TBC1D4: variants seen among roughly 807,000 people sequenced by gnomAD.
The protein encoded by TBC1D4 is TBC (Tre-2, BUB2, CDC16) domain-containing protein.
Under a neutral mutation model 142.5 loss-of-function variants are expected in TBC1D4, and 121 were observed. The ratio of observed to expected loss-of-function variants is 0.85; its 90% CI spans 0.73 to 0.99. TBC1D4 has a LOEUF of 0.99. Ranked by LOEUF, TBC1D4 falls within the 50% of genes least tolerant of loss-of-function variation. TBC1D4 has a pLI of 0.00. For missense variants in TBC1D4, 1,475 were observed against 1,606.6 expected, an observed-to-expected ratio of 0.92 and a Z score of 1.40; for synonymous variants, 630 against 628.2, an observed-to-expected ratio of 1.00 and a Z score of -0.04.
chr13:75,435,241 G>A (rs774575145), intron 1 of TBC1D4, among the ~76,000 whole-genome samples: 4 of 148,678 alleles, frequency 2.7e-5, no homozygotes, highest in Non-Finnish European at 5.9e-5. Context: ...TACAGAATGC[G>A]AAAAAATATC....
At chr13:75,468,878 G>T (rs1256181952) in intron 1 of TBC1D4, among the ~76,000 whole-genome samples, 23 of 152,224 alleles carry the variant, frequency 1.5e-4, no homozygotes, top group Admixed American at 1.5e-3. Flanking sequence ...ACCATGTGCA[G>T]GTAAGATCTC....
intron 15 of TBC1D4, among the ~76,000 whole-genome samples, chr13:75,304,124 T>C (rs141898230): frequency 6.6e-6 from 1 of 152,340 alleles, no homozygotes; most frequent in East Asian, 1.9e-4. Flanking sequence ...TATGATAAAA[T>C]CCAAGAATAT....
At chr13:75,443,821 G>A (rs1369510176) in intron 1 of TBC1D4, among the ~76,000 whole-genome samples, 1 of 152,084 alleles carries the variant, frequency 6.6e-6, no homozygotes, top group African/African-American at 2.4e-5. Flanking sequence ...TGTTTAACAT[G>A]GTCTTCCACC....
chr13:75,447,242 A>T (rs1887327714), intron 1 of TBC1D4, among the ~76,000 whole-genome samples: 8 of 152,080 alleles, frequency 5.3e-5, no homozygotes, highest in Admixed American at 5.2e-4. Context: ...ATTAAGGTAG[A>T]TTTTTATTGG....
At position 75,369,225 on chromosome 13, in the gene TBC1D4, G is replaced by A. The variant is rs117432169; in HGVS notation, c.499-6618C>T. Among the ~76,000 whole-genome samples, 124 of 152,234 alleles carry A rather than the reference G, an allele frequency of 8.1e-4. 3 individuals carry two copies. The East Asian group carries it at 0.021, about 26-fold the overall frequency. ...AACCAAAGTCAGGTGGGGTGTGTTGGCTCACACCTATAATCCCAGTACTTT... is the reference window on the plus strand; with the variant it reads ...AACCAAAGTCAGGTGGGGTGTGTTGACTCACACCTATAATCCCAGTACTTT... On this transcript the variant is annotated intron_variant, in intron 1 of 20. Transcript: ENST00000377636.
chr13:75,387,627 A>C (rs1884253118), intron 1 of TBC1D4, among the ~76,000 whole-genome samples: 1 of 152,204 alleles, frequency 6.6e-6, no homozygotes, highest in South Asian at 2.1e-4. Flanking sequence ...GCAAACTATC[A>C]AGCTCACAGT....
At chr13:75,460,312 A>G (rs1484892925) in intron 1 of TBC1D4, among the ~76,000 whole-genome samples, 1 of 152,218 alleles carries the variant, frequency 6.6e-6, no homozygotes, top group East Asian at 1.9e-4. Flanking sequence ...ATAAAGCCAT[A>G]AACAGGGAAG....
At chr13:75,480,439 A>C (rs1888791042) in intron 1 of TBC1D4, among the ~76,000 whole-genome samples, 2 of 152,198 alleles carry the variant, frequency 1.3e-5, no homozygotes, top group South Asian at 4.1e-4. Context: ...CTGCATAGTC[A>C]AGTTCTCCTC....
intron 12 of TBC1D4, among the ~76,000 whole-genome samples, chr13:75,314,590 A>C (rs1878097069): frequency 6.6e-6 from 1 of 152,186 alleles, no homozygotes; most frequent in African/African-American, 2.4e-5. Context: ...TACTTGATAC[A>C]TATATCTCAA....
At chr13:75,303,289 C>A (rs1876778453) in intron 15 of TBC1D4, among the ~76,000 whole-genome samples, 1 of 151,904 alleles carries the variant, frequency 6.6e-6, no homozygotes, top group African/African-American at 2.4e-5. Flanking sequence ...TGCACTCCAG[C>A]CTGGGAGACA....
chr13:75,379,885 C>CTTTTTTTTTTTTTT lies in TBC1D4; in HGVS notation c.499-17279_499-17278insAAAAAAAAAAAAAA, dbSNP rs1883718060. 2.3e-4 allele frequency among the ~76,000 whole-genome samples: 23 copies of CTTTTTTTTTTTTTT among 98,536 alleles called. 8 individuals are homozygous for CTTTTTTTTTTTTTT. Among genetic ancestry groups the CTTTTTTTTTTTTTT allele is most frequent in the Non-Finnish European group, 2.6e-4 (13 of 50,102 alleles). 64.6% of individuals were successfully genotyped at this position (98,536 alleles called of 152,430 possible). On this transcript the variant is annotated intron_variant, in intron 1 of 20. Transcript: ENST00000377636. The stretch of plus-strand genomic sequence containing the variant: ...AAGTATATCAGTTTTGTTCATCTGA[C>CTTTTTTTTTTTTTT]TCTTTTTTTTTTTTTTTTTTTTTTT...
intron 1 of TBC1D4, among the ~76,000 whole-genome samples, chr13:75,424,011 G>A (rs148359350): frequency 4.6e-5 from 7 of 152,152 alleles, no homozygotes; most frequent in South Asian, 2.1e-4. Context: ...TGAGTCGCAC[G>A]CTCATGCCTA....
intron 1 of TBC1D4, among the ~76,000 whole-genome samples, chr13:75,413,372 G>C (rs1269137994): frequency 1.3e-5 from 2 of 152,156 alleles, no homozygotes; most frequent in African/African-American, 4.8e-5. Context: ...ATGTTGGCCA[G>C]GGTGGTCTCG....
chr13:75,390,802 G>T (rs971068875), intron 1 of TBC1D4, among the ~76,000 whole-genome samples: 1 of 129,540 alleles, frequency 7.7e-6, no homozygotes, highest in Non-Finnish European at 1.6e-5. Context: ...CATGTTGTAT[G>T]TATAGGTATT....
At chr13:75,439,416 T>C (rs1886941821) in intron 1 of TBC1D4, among the ~76,000 whole-genome samples, 1 of 152,180 alleles carries the variant, frequency 6.6e-6, no homozygotes, top group Non-Finnish European at 1.5e-5. Flanking sequence ...GTTCTTTCTC[T>C]AATGCAAATC....
chr13:75,463,194 TAAC>T (rs1296007004), intron 1 of TBC1D4, among the ~76,000 whole-genome samples: 1 of 151,290 alleles, frequency 6.6e-6, no homozygotes, highest in Non-Finnish European at 1.5e-5. Context: ...AAAAAAGTCA[TAAC>T]AATCTCACCA....
At chr13:75,302,441 G>A in intron 15 of TBC1D4, 40 bp from the exon 16 acceptor site, 3 of 1,613,082 alleles carry the variant, frequency 1.9e-6, no homozygotes, top group Non-Finnish European at 1.7e-6. Flanking sequence ...CTTGAACTCT[G>A]GAATGAAGTT....
chr13:75,435,779 G>A (rs1345059998), intron 1 of TBC1D4, among the ~76,000 whole-genome samples: 1 of 152,106 alleles, frequency 6.6e-6, no homozygotes, highest in African/African-American at 2.4e-5. Flanking sequence ...CCATTTTTGT[G>A]CCAAAAGTGC....
At chr13:75,363,150 A>C (rs1882674659) in intron 1 of TBC1D4, among the ~76,000 whole-genome samples, 2 of 152,208 alleles carry the variant, frequency 1.3e-5, no homozygotes, top group Admixed American at 1.3e-4. Context: ...ACTCTCATAC[A>C]TTGTACACAG....
Sources: gnomAD v4.1 joint callset for allele counts (sites outside exome capture counted in the v4.1 genomes callset) on GRCh38, gnomAD v4.1.1 for gene constraint, MANE v1.5 for transcripts, NCBI Gene and HGNC (gene_info 2026-07-23, HGNC 2026-07-21) for gene names.